TNC: variants seen among roughly 807,000 people sequenced by gnomAD.
The protein encoded by TNC is tenascin C.
TNC carries 109 observed loss-of-function variants against 202.4 expected under a neutral mutation model. That is an observed-to-expected ratio of 0.54 (90% CI 0.46 to 0.63). The LOEUF is 0.63. Among genes scored for constraint, TNC ranks in the 30% least tolerant of loss-of-function variants. TNC has a pLI of 0.00. For missense variants in TNC, 2,756 were observed against 2,833.3 expected (o/e 0.97, Z 0.62); for synonymous variants, 1,007 against 1,089.7 (o/e 0.92, Z 1.50).
rs541537919 is a variant in TNC, at chr9:115,098,762, C to T, written c.-136-7608G>A. On this transcript the variant is annotated intron_variant, in intron 1 of 27. Transcript: ENST00000350763. ...AGGCAGCTTACACCAAATTTTTCTT[C>T]TCGCTTACAGGCCAAAGAGTTTTAT... Among the ~76,000 whole-genome samples the T allele has an allele frequency of 8.1e-4, 123 of 152,258 alleles. No individual in the cohort carries two copies. The Middle Eastern group carries it at 0.014, about 17-fold the overall frequency.
chr9:115,064,703 A>C lies in TNC; in HGVS notation c.3431T>G (p.Ile1144Ser). The C allele has an allele frequency of 6.2e-7, 1 of 1,614,198 alleles. No individual in the cohort carries two copies. Among genetic ancestry groups the C allele is most frequent in the Non-Finnish European group, 8.5e-7 (1 of 1,180,026 alleles). ...LKAATPYTVS[I>S]YGVIQGYRTP... Reference sequence around the variant, plus strand: ...TCTATAGCCCTGGATCACCCCATAGATGGAGACTGTATAAGGCGTAGCAGC... The same window carrying C: ...TCTATAGCCCTGGATCACCCCATAGCTGGAGACTGTATAAGGCGTAGCAGC... Residue 1144 changes from isoleucine to serine, a missense_variant, in exon 11 of 28, where the codon ATC becomes AGC. Around this residue, in one of 2 missense-constraint regions of TNC, gnomAD observed 2,559 missense variants for 2,546.0 expected, o/e 1.01. Coordinates refer to ENST00000350763, the MANE Select transcript of TNC (RefSeq NM_002160.4).
chr9:115,054,536 A>G (rs371127886), intron 15 of TNC, among the ~76,000 whole-genome samples: 4 of 152,188 alleles, frequency 2.6e-5, no homozygotes, highest in African/African-American at 9.7e-5. Context: ...TATCAATGCC[A>G]ACAGATTCAC....
chr9:115,042,744 A>G (rs1163346700), intron 17 of TNC, among the ~76,000 whole-genome samples: 1 of 152,164 alleles, frequency 6.6e-6, no homozygotes, highest in Non-Finnish European at 1.5e-5. Context: ...GTTCTTTGCA[A>G]TTTATAAGGC....
Position 115,081,772 on chromosome 9 carries a change from G to T in TNC, c.2404C>A (p.Arg802Ser). Reference sequence around the variant, plus strand: ...TATAAGTATTAAAGGTGATACTCACGTGTGGTGGTCACCCTCTTCAGGCCA... The same window carrying T: ...TATAAGTATTAAAGGTGATACTCACTTGTGGTGGTCACCCTCTTCAGGCCA... ...GPGLKRVTTTRLDAPSQIEVK... is the reference protein window; with the variant it reads ...GPGLKRVTTTSLDAPSQIEVK... Residue 802 changes from arginine (R) to serine (S), a missense_variant and splice_region_variant, in exon 6 of 28, where the codon CGC (arginine) becomes AGC (serine). Physicochemically the swap from Arg to Ser is moderately radical, Grantham distance 110. Coordinates refer to ENST00000350763, the MANE Select transcript of TNC (RefSeq NM_002160.4). The T allele has an allele frequency of 6.2e-7, 1 of 1,613,942 alleles. No individual in the cohort carries two copies. Among genetic ancestry groups the T allele is most frequent in the Admixed American group, 1.7e-5 (1 of 60,020 alleles).
At chr9:115,063,280 G>A (rs1588099528) in intron 12 of TNC, 91 bp from the exon 13 acceptor site, 1 of 1,397,198 alleles carries the variant, frequency 7.2e-7, no homozygotes, top group East Asian at 2.3e-5. Flanking sequence ...AGGTTGGGAT[G>A]AGTTGTCTGG....
At chr9:115,085,782 T>G in intron 3 of TNC, 82 bp downstream of exon 3, 1 of 1,237,842 alleles carries the variant, frequency 8.1e-7, no homozygotes, top group Middle Eastern at 2.0e-4. Flanking sequence ...AATGTTTATA[T>G]ATATAAACGT....
Position 115,030,361 on chromosome 9 carries a change from G to A in TNC, c.5965C>T (p.Leu1989=), listed in dbSNP as rs754492878. Residue 1989 remains leucine (L), a synonymous_variant, in exon 24 of 28, where the codon CTG becomes TTG. Coordinates refer to ENST00000350763, the MANE Select transcript of TNC (RefSeq NM_002160.4). ...AGGCCAGAGGTCGTGTCTCCATTCA[G>A]CATTGCTTGGGAGCAGTCCTTGGGG... ...PFPKDCSQAM[L]NGDTTSGLYT... is the part of the protein sequence containing the mutation. The A allele has an allele frequency of 3.1e-6, 5 of 1,613,306 alleles. No individual in the cohort carries two copies. The East Asian group carries it at 8.9e-5, about 29-fold the overall frequency.
Position 115,020,270 on chromosome 9 carries a change from C to T in TNC, c.*887G>A. 7.0e-6 allele frequency: 1 copy of T among 142,770 alleles called. No individual in the cohort carries two copies. Among genetic ancestry groups the T allele is most frequent in the Non-Finnish European group, 1.5e-5 (1 of 66,458 alleles). 8.8% of individuals were successfully genotyped at this position (142,770 alleles called of 1,614,324 possible). A position where few individuals can be genotyped will look rare whatever the true frequency, so the allele number is the denominator to read the frequency against. On this transcript the variant is annotated 3_prime_UTR_variant, in exon 28 of 28. Coordinates refer to ENST00000350763, the MANE Select transcript of TNC (RefSeq NM_002160.4). ...TTCTCACTATGTTGCTCAGGCTGGTCTCAAACTCCTGGGGTTAAGCTATCC... is the reference window on the plus strand; with the variant it reads ...TTCTCACTATGTTGCTCAGGCTGGTTTCAAACTCCTGGGGTTAAGCTATCC...
Position 115,073,799 on chromosome 9 carries a change from C to T in TNC, c.3018G>A (p.Lys1006=). The T allele has an allele frequency of 1.9e-6, 3 of 1,614,048 alleles. No homozygotes were observed. Among genetic ancestry groups the T allele is most frequent in the Non-Finnish European group, 2.5e-6 (3 of 1,180,016 alleles). The change falls in exon 10 of 28, where the codon AAG becomes AAA. Residue 1006 remains lysine (K), a synonymous_variant. Coordinates refer to ENST00000350763, the MANE Select transcript of TNC (RefSeq NM_002160.4). ...AGCGGTCAAATTTGGCCAACGGTGTCTTCCAGAGCAGGGTCAGGCTGGTCT... is the reference window on the plus strand; with the variant it reads ...AGCGGTCAAATTTGGCCAACGGTGTTTTCCAGAGCAGGGTCAGGCTGGTCT... The part of the protein sequence containing the change: ...TAETSLTLLW[K]TPLAKFDRYR...
chr9:115,056,902 C>T (rs569198717), intron 15 of TNC, among the ~76,000 whole-genome samples: 1 of 152,278 alleles, frequency 6.6e-6, no homozygotes, highest in African/African-American at 2.4e-5. Flanking sequence ...TTCCATATGG[C>T]AAATTAGACT....
Position 115,096,854 on chromosome 9 carries a change from T to C in TNC, c.-136-5700A>G, listed in dbSNP as rs117110797. Among the ~76,000 whole-genome samples, 8 of 152,284 alleles carry C rather than the reference T, an allele frequency of 5.3e-5. No individual in the cohort carries two copies. In the East Asian group the frequency reaches 1.5e-3, roughly 29 times the overall value. On this transcript the variant is annotated intron_variant, in intron 1 of 27. Transcript: ENST00000350763. ...CTTGGGTTAAGAAATATTTTTTTCT[T>C]CCTCCCTCTGCACACCTTAGAGTCT...
chr9:115,036,313 C>A, intron 20 of TNC, 72 bp from the exon 21 acceptor site: 1 of 1,533,868 alleles, frequency 6.5e-7, no homozygotes, highest in South Asian at 1.2e-5. Context: ...TGGCAAACCA[C>A]ATACACACCT....
rs150370072 is a variant in TNC at position 115,063,116 on chromosome 9, C to T, written c.3834G>A (p.Thr1278=). 6.1e-4 allele frequency: 981 copies of T among 1,614,030 alleles called. 1 individual carries two copies. The highest frequency in any genetic ancestry group is 6.1e-4 in the Non-Finnish European group (718 of 1,180,026). Residue 1278 remains threonine (T), a synonymous_variant, in exon 13 of 28, where the codon ACG becomes ACA. Transcript: ENST00000350763. ...TAAACTGGTCATAGGTTCCATCTGG[C>T]GTGGTCCAGTTCAGTCTGAGAGCAT... ...SWDALRLNWT[T]PDGTYDQFTI...
In TNC at chr9:115,040,882, C is replaced by T. The variant is rs1830676289; in HGVS notation, c.5392+59G>A. 3.9e-6 allele frequency: 6 copies of T among 1,538,250 alleles called. No individual in the cohort carries two copies. In the Admixed American group the frequency reaches 7.6e-5, roughly 19 times the overall value. ...TGAAGGTGAGAAATGGCATAGGATG[C>T]ACAAGTGACCTCTGAAAAATAGTAA... On this transcript the variant is annotated intron_variant, in intron 19 of 27. Coordinates refer to ENST00000350763, the MANE Select transcript of TNC (RefSeq NM_002160.4).
rs771119148 is a variant in TNC at position 115,086,813 on chromosome 9, C to T, written c.918G>A (p.Thr306=). 1.7e-5 allele frequency: 27 copies of T among 1,613,952 alleles called. No individual in the cohort carries two copies. The highest frequency in any genetic ancestry group is 6.7e-5 in the African/African-American group (5 of 74,916). ...AGATGAGCTCACTGCAGTCTTCGCCCGTGAAACCCTCATCACACACGCACT... is the reference window on the plus strand; with the variant it reads ...AGATGAGCTCACTGCAGTCTTCGCCTGTGAAACCCTCATCACACACGCACT... ...ENECVCDEGF[T]GEDCSELICP... is the part of the protein sequence containing the mutation. Residue 306 remains threonine, a synonymous_variant, in exon 3 of 28, where the codon ACG becomes ACA. Coordinates refer to ENST00000350763, the MANE Select transcript of TNC (RefSeq NM_002160.4).
chr9:115,101,167 G>A (rs1207057485), intron 1 of TNC, among the ~76,000 whole-genome samples: 1 of 152,176 alleles, frequency 6.6e-6, no homozygotes, highest in Non-Finnish European at 1.5e-5. Context: ...AACATGTTCT[G>A]TATAATCGCA....
At chr9:115,040,728 C>T (rs1433131771) in intron 19 of TNC, among the ~76,000 whole-genome samples, 1 of 152,150 alleles carries the variant, frequency 6.6e-6, no homozygotes, top group East Asian at 1.9e-4. Context: ...TAAGGTCACC[C>T]AGCTCACCAG....
chr9:115,078,138 G>A lies in TNC; in HGVS notation c.2479C>T (p.Leu827=). The change falls in exon 7 of 28, where the codon CTG becomes TTG. Residue 827 remains leucine (L), a synonymous_variant. Coordinates refer to ENST00000350763, the MANE Select transcript of TNC (RefSeq NM_002160.4). ...AGCTCAATGCCATCGATCTCAGCCA[G>A]GGGCTTGAACCAGGTGATCAAGGCA... The part of the protein sequence containing the change: ...TTALITWFKP[L]AEIDGIELTY... The A allele has an allele frequency of 6.2e-7, 1 of 1,614,140 alleles. No homozygotes were observed. Among genetic ancestry groups the A allele is most frequent in the East Asian group, 2.2e-5 (1 of 44,880 alleles).
intron 15 of TNC, chr9:115,055,497 G>A (rs77589961): frequency 0.11 from 16,086 of 142,206 alleles, 972 homozygotes; most frequent in Middle Eastern, 0.21. Flanking sequence ...TGGACCATCA[G>A]GGTCTGAGCA....
Sources: allele counts gnomAD v4.1 joint callset (sites outside exome capture counted in the v4.1 genomes callset), GRCh38; gene constraint gnomAD v4.1.1; regional missense constraint gnomAD v4.1.1; transcripts MANE v1.5; gene names NCBI Gene and HGNC (gene_info 2026-07-23, HGNC 2026-07-21).